Variants in ATP6V1C1 observed in about 807,000 individuals in gnomAD.
ATP6V1C1 encodes V-type proton ATPase subunit C 1.
In ATP6V1C1, 45 loss-of-function variants were observed where a neutral mutation model predicts 53.9. That is an observed-to-expected ratio of 0.83 (90% CI 0.66 to 1.07). The LOEUF is 1.07. ATP6V1C1 is among the 50% of genes least tolerant of loss of function. The pLI, the probability that ATP6V1C1 is intolerant of heterozygous loss-of-function variation, is 0.00. For missense variants in ATP6V1C1, 315 were observed against 440.3 expected, an observed-to-expected ratio of 0.72 and a Z score of 2.55; for synonymous variants, 153 against 155.2, an observed-to-expected ratio of 0.99 and a Z score of 0.11.
chr8:103,028,497 A>G (rs1816736860), intron 1 of ATP6V1C1, among the ~76,000 whole-genome samples: 1 of 152,218 alleles, frequency 6.6e-6, no homozygotes. Context: ...GTATAATCAT[A>G]GAAATGCCTG....
intron 8 of ATP6V1C1, among the ~76,000 whole-genome samples, chr8:103,061,668 A>G (rs895482898): frequency 7.9e-5 from 12 of 152,242 alleles, no homozygotes; most frequent in African/African-American, 2.4e-4. Flanking sequence ...ACTTCAGATT[A>G]TAGACATTAA....
chr8:103,066,664 G>A (rs1479791803), intron 12 of ATP6V1C1, among the ~76,000 whole-genome samples: 2 of 152,152 alleles, frequency 1.3e-5, no homozygotes, highest in Non-Finnish European at 2.9e-5. Flanking sequence ...ATTTCTACAA[G>A]CTAGTAATTA....
At chr8:103,053,385 A>G (rs1456800748) in intron 6 of ATP6V1C1, among the ~76,000 whole-genome samples, 1 of 151,950 alleles carries the variant, frequency 6.6e-6, no homozygotes, top group Non-Finnish European at 1.5e-5. Context: ...AGTGATACAA[A>G]CAGGGCAAGA....
chr8:103,064,817 G>A lies in ATP6V1C1; in HGVS notation c.926+6G>A. 2.5e-6 allele frequency: 4 copies of A among 1,609,782 alleles called. No individual in the cohort carries two copies. The highest frequency in any genetic ancestry group is 3.4e-6 in the Non-Finnish European group (4 of 1,178,436). On this transcript the variant is annotated splice_donor_region_variant and intron_variant, in intron 11 of 12. Coordinates refer to ENST00000518738, the MANE Select transcript of ATP6V1C1 (RefSeq NM_001695.5). ...TTCGTTGAGTCTGTTTTAAGGTAAA[G>A]CAAGTTAATTGCCAAACTTGGAACT...
At chr8:103,022,289 G>T (rs1252752662) in intron 1 of ATP6V1C1, among the ~76,000 whole-genome samples, 1 of 152,120 alleles carries the variant, frequency 6.6e-6, no homozygotes, top group Non-Finnish European at 1.5e-5. Flanking sequence ...CCTGAAGATG[G>T]GGGTAGGGAA....
At chr8:103,050,020 C>T (rs954363113) in intron 4 of ATP6V1C1, among the ~76,000 whole-genome samples, 3 of 152,028 alleles carry the variant, frequency 2.0e-5, no homozygotes, top group South Asian at 2.1e-4. Context: ...TACAGGATCA[C>T]CTACTCTAAT....
chr8:103,070,139 C>G lies in ATP6V1C1; in HGVS notation c.*1392C>G, dbSNP rs1179904116. On this transcript the variant is annotated 3_prime_UTR_variant, in exon 13 of 13. Transcript: ENST00000518738. ...GTATATCTAAGAGAATCCTTTGTGTCAGTGAAGCTGGAGCTACCTCATTCT... is the reference window on the plus strand; with the variant it reads ...GTATATCTAAGAGAATCCTTTGTGTGAGTGAAGCTGGAGCTACCTCATTCT... The G allele has an allele frequency of 3.3e-5, 5 of 152,336 alleles. No individual in the cohort carries two copies. The East Asian group carries it at 9.6e-4, about 29-fold the overall frequency. 9.4% of individuals were successfully genotyped at this position (152,336 alleles called of 1,614,324 possible). A position where few individuals can be genotyped will look rare whatever the true frequency, so the allele number is the denominator to read the frequency against.
In ATP6V1C1 at chr8:103,064,618, A is replaced by G. The variant is rs530605074; in HGVS notation, c.829-96A>G. The G allele has an allele frequency of 7.3e-5, 65 of 887,152 alleles. No individual in the cohort carries two copies. In the East Asian group the frequency reaches 1.6e-3, roughly 22 times the overall value. 55.0% of individuals were successfully genotyped at this position (887,152 alleles called of 1,614,324 possible). ...GTGAATTATGCGACTTAATTCTTCT[A>G]TAGATTCCTAATAGGTAGTCACTTA... On this transcript the variant is annotated intron_variant, in intron 10 of 12. Coordinates refer to ENST00000518738, the MANE Select transcript of ATP6V1C1 (RefSeq NM_001695.5).
At chr8:103,033,000 G>A (rs1168633051) in intron 1 of ATP6V1C1, among the ~76,000 whole-genome samples, 1 of 152,180 alleles carries the variant, frequency 6.6e-6, no homozygotes, top group African/African-American at 2.4e-5. Flanking sequence ...AGAATACTAA[G>A]TAATAAAACA....
intron 10 of ATP6V1C1, 141 bp downstream of exon 10, chr8:103,063,369 A>AG: frequency 1.7e-6 from 1 of 587,500 alleles, no homozygotes; most frequent in Non-Finnish European, 2.9e-6. Flanking sequence ...TTGAATAATC[A>AG]GAATGAATTT....
At chr8:103,036,822 G>A (rs1444093719) in intron 1 of ATP6V1C1, among the ~76,000 whole-genome samples, 1 of 152,102 alleles carries the variant, frequency 6.6e-6, no homozygotes, top group Admixed American at 6.6e-5. Context: ...AGATAATTTA[G>A]CACAATCATC....
At chr8:103,042,209 C>A in intron 2 of ATP6V1C1, 131 bp from the exon 3 acceptor site, 1 of 836,894 alleles carries the variant, frequency 1.2e-6, no homozygotes, top group Non-Finnish European at 1.9e-6. Context: ...CATCTTTTAA[C>A]TGTACTTACA....
chr8:103,026,078 G>C (rs1464749125), intron 1 of ATP6V1C1, among the ~76,000 whole-genome samples: 3 of 152,246 alleles, frequency 2.0e-5, no homozygotes, highest in Non-Finnish European at 4.4e-5. Flanking sequence ...CTGGGTCACC[G>C]CTGAGTTGCC....
chr8:103,047,716 T>G (rs1435571932), intron 3 of ATP6V1C1, among the ~76,000 whole-genome samples: 1 of 152,224 alleles, frequency 6.6e-6, no homozygotes, highest in African/African-American at 2.4e-5. Context: ...ATTCTCTGGA[T>G]GCCTACTGCT....
chr8:103,043,564 C>T (rs528362596), intron 3 of ATP6V1C1, among the ~76,000 whole-genome samples: 2 of 152,114 alleles, frequency 1.3e-5, no homozygotes, highest in African/African-American at 4.8e-5. Context: ...AACCCCTGAC[C>T]TCGTGATCCA....
intron 3 of ATP6V1C1, among the ~76,000 whole-genome samples, chr8:103,044,389 TTTGAG>T (rs761820396): frequency 4.6e-4 from 70 of 152,368 alleles, no homozygotes; most frequent in Middle Eastern, 6.8e-3. Flanking sequence ...TTTGATTCAT[TTTGAG>T]TTAAGTTTTA....
At chr8:103,024,637 A>G (rs1816663648) in intron 1 of ATP6V1C1, among the ~76,000 whole-genome samples, 1 of 152,228 alleles carries the variant, frequency 6.6e-6, no homozygotes. Context: ...ATTATATATC[A>G]TTTATAAATT....
intron 3 of ATP6V1C1, among the ~76,000 whole-genome samples, chr8:103,048,015 C>G (rs1477137077): frequency 6.6e-6 from 1 of 152,152 alleles, no homozygotes; most frequent in Non-Finnish European, 1.5e-5. Context: ...GTGATTTTGT[C>G]TTGTATGATT....
At chr8:103,065,521 A>G (rs896960480) in intron 11 of ATP6V1C1, among the ~76,000 whole-genome samples, 2 of 152,060 alleles carry the variant, frequency 1.3e-5, no homozygotes, top group Admixed American at 1.3e-4. Flanking sequence ...CCACTGCACT[A>G]TTGCACCACT....
Sources: gnomAD v4.1 joint callset for allele counts (sites outside exome capture counted in the v4.1 genomes callset) on GRCh38, gnomAD v4.1.1 for gene constraint, MANE v1.5 for transcripts, NCBI Gene and HGNC (gene_info 2026-07-23, HGNC 2026-07-21) for gene names.